MKS1: variants seen among roughly 807,000 people sequenced by gnomAD.
MKS1 encodes the protein MKS transition zone complex subunit 1.
In MKS1, 70 loss-of-function variants were observed where a neutral mutation model predicts 83.7. That is an observed-to-expected ratio of 0.84 (90% confidence interval 0.69 to 1.02). MKS1 has a LOEUF of 1.02. MKS1 is among the 50% of genes least tolerant of loss of function. MKS1 has a pLI of 0.00. For synonymous variants in MKS1, 251 were observed against 273.4 expected, an observed-to-expected ratio of 0.92 and a Z score of 0.81; for missense variants, 681 against 726.9, an observed-to-expected ratio of 0.94 and a Z score of 0.73.
chr17:58,210,531 G>T, intron 11 of MKS1, 128 bp downstream of exon 11: 1 of 958,132 alleles, frequency 1.0e-6, no homozygotes, highest in Non-Finnish European at 1.7e-6. Flanking sequence ...TTGGTAAAGT[G>T]GATGTGATCT....
In MKS1 at chr17:58,214,767, C is replaced by T; in HGVS notation, c.489G>A (p.Arg163=). ...SFLVERMANV[R]RRRQDRRGME... is the part of the protein sequence containing the mutation. The stretch of plus-strand genomic sequence containing the variant: ...TCCCTCGCCTGTCCTGCCGGCGACG[C>T]CTGACATTTGCCATTCGCTCGACCA... The change falls in exon 5 of 18, where the codon AGG becomes AGA. Residue 163 remains arginine (R), a synonymous_variant. Coordinates refer to ENST00000393119, the MANE Select transcript of MKS1 (RefSeq NM_017777.4). 6.2e-7 allele frequency: 1 copy of T among 1,607,302 alleles called. No homozygotes were observed.
rs1968750222 is a variant in MKS1, at chr17:58,209,562, G to A, written c.1025-979C>T. On this transcript the variant is annotated intron_variant, in intron 11 of 17. Transcript: ENST00000393119. This position sits in a 1 kb window ranked among gnomAD's most constrained non-coding sequence, Gnocchi z 4.1. The stretch of plus-strand genomic sequence containing the variant: ...CGACACAGGCTGAGACCTAAACTCA[G>A]AAAGAACCAGCCATGCTAAGATATG... Among the ~76,000 whole-genome samples the A allele has an allele frequency of 6.6e-6, 1 of 152,208 alleles. No homozygotes were observed. Among genetic ancestry groups the A allele is most frequent in the African/African-American group, 2.4e-5 (1 of 41,444 alleles).
chr17:58,212,239 A>G (rs1037379899), intron 9 of MKS1, 139 bp downstream of exon 9: 7 of 991,586 alleles, frequency 7.1e-6, no homozygotes, highest in African/African-American at 1.6e-5. Context: ...AACAAGGACT[A>G]TATGTGCTAT....
chr17:58,205,479 A>C lies in MKS1; in HGVS notation c.*600T>G. On this transcript the variant is annotated 3_prime_UTR_variant, in exon 18 of 18. Coordinates refer to ENST00000393119, the MANE Select transcript of MKS1 (RefSeq NM_017777.4). ...GGTTTATGTAACAAAAAACAAAAAAACAAACAAACAAAAAAACACAGTAAA... is the reference window on the plus strand; with the variant it reads ...GGTTTATGTAACAAAAAACAAAAAACCAAACAAACAAAAAAACACAGTAAA... 1 of 1,253,540 alleles carries C rather than the reference A, an allele frequency of 8.0e-7. No homozygotes were observed. The highest frequency in any genetic ancestry group is 1.0e-6 in the Non-Finnish European group (1 of 969,866). The allele number at this position is 1,253,540 out of a possible 1,614,324, so 77.7% of individuals were successfully genotyped here.
rs1218016890 is a variant in MKS1, at chr17:58,206,477, A to G, written c.1478T>C (p.Leu493Pro). ...TGTVTFRLHC[L>P]QQSRAFMESS... ...CCAAGTCACTCACCTGGACTGCTGC[A>G]GACAGTGCAAGCGGAAGGTGACAGT... Residue 493 changes from leucine to proline, a missense_variant, in exon 16 of 18, where the codon CTG (leucine) becomes CCG (proline). By Grantham distance (98) the Leu-to-Pro change is moderately conservative. Around this residue, in one of 3 missense-constraint regions of MKS1, gnomAD observed 310 missense variants for 321.7 expected, o/e 0.96. Transcript: ENST00000393119. The G allele has an allele frequency of 6.2e-7, 1 of 1,614,162 alleles. No individual in the cohort carries two copies. Among genetic ancestry groups the G allele is most frequent in the South Asian group, 1.1e-5 (1 of 91,082 alleles).
In MKS1 at chr17:58,207,906, G is replaced by C. The variant is rs863225210; in HGVS notation, c.1261C>G (p.Pro421Ala). ...GACGAGCGGTTACCTGGAGTGGCAGGCAGCACCACAGCCCCATAGCCTTCC... is the reference window on the plus strand; with the variant it reads ...GACGAGCGGTTACCTGGAGTGGCAGCCAGCACCACAGCCCCATAGCCTTCC... ...RVEGYGAVVL[P>A]ATPGSHTLTV... Residue 421 changes from proline to alanine, a missense_variant, in exon 14 of 18, where the codon CCT becomes GCT. Transcript: ENST00000393119. 5.6e-6 allele frequency: 9 copies of C among 1,613,816 alleles called. No individual in the cohort carries two copies. Among genetic ancestry groups the C allele is most frequent in the Non-Finnish European group, 7.6e-6 (9 of 1,179,904 alleles).
intron 4 of MKS1, chr17:58,215,519 T>C (rs777298436): frequency 4.1e-5 from 7 of 171,122 alleles, no homozygotes; most frequent in Non-Finnish European, 6.4e-5. Context: ...TACAGAGTCA[T>C]AGACAAAAAT....
intron 6 of MKS1, 133 bp downstream of exon 6, chr17:58,214,126 T>A: frequency 7.3e-7 from 1 of 1,374,904 alleles, no homozygotes; most frequent in Non-Finnish European, 1.0e-6. Context: ...GAAGCTTCAC[T>A]CATAACTAAG....
chr17:58,206,364 T>C lies in MKS1; in HGVS notation c.1507A>G (p.Ser503Gly), dbSNP rs1328968692. The change falls in exon 17 of 18, where the codon AGC becomes GGC. Residue 503 changes from serine (S) to glycine (G), a missense_variant. Around this residue, in one of 3 missense-constraint regions of MKS1, gnomAD observed 310 missense variants for 321.7 expected, o/e 0.96. Transcript: ENST00000393119. ...LQQSRAFMESSSLQKRMRSVL... is the reference protein window; with the variant it reads ...LQQSRAFMESGSLQKRMRSVL... ...CTCCGCATCCTTTTCTGAAGGGAGC[T>C]CGATTCCATGAAGGCCCTGCAGGGA... is the stretch of plus-strand genomic sequence containing the variant. 6.8e-6 allele frequency: 11 copies of C among 1,613,900 alleles called. No homozygotes were observed. Among genetic ancestry groups the C allele is most frequent in the African/African-American group, 1.3e-5 (1 of 74,924 alleles).
At chr17:58,210,537 G>A in intron 11 of MKS1, 122 bp downstream of exon 11, 1 of 1,010,192 alleles carries the variant, frequency 9.9e-7, no homozygotes, top group South Asian at 1.3e-5. Flanking sequence ...AAGTGGATGT[G>A]ATCTATGACC....
At position 58,214,339 on chromosome 17, in the gene MKS1, T is replaced by G; in HGVS notation, c.564A>C (p.Glu188Asp). Reference sequence around the variant, plus strand: ...TGACGTGGTTGTTCCTGACAAACTCTTCTGAGGGCTCCCAGGTGACGATGC... The same window carrying G: ...TGACGTGGTTGTTCCTGACAAACTCGTCTGAGGGCTCCCAGGTGACGATGC... ...KSRIVTWEPS[E>D]EFVRNNHVIN... Residue 188 changes from glutamate (E) to aspartate (D), a missense_variant, in exon 6 of 18, where the codon GAA (glutamate) becomes GAC (aspartate). Coordinates refer to ENST00000393119, the MANE Select transcript of MKS1 (RefSeq NM_017777.4). 1.2e-6 allele frequency: 2 copies of G among 1,613,968 alleles called. No homozygotes were observed. The highest frequency in any genetic ancestry group is 1.3e-5 in the African/African-American group (1 of 75,018).
chr17:58,208,569 C>T lies in MKS1; in HGVS notation c.1039G>A (p.Ala347Thr). The part of the protein sequence containing the change: ...ELPTAHWSSP[A>T]FQQLSGVTQT... ...GTTACTCCTGAGAGCTGCTGGAATG[C>T]TGGGCTTGACCAGTCTGAAAGCCAA... is the stretch of plus-strand genomic sequence containing the variant. The change falls in exon 12 of 18, where the codon GCA becomes ACA. Residue 347 changes from alanine (A) to threonine (T), a missense_variant. Ala to Thr is a moderately conservative substitution (Grantham distance 58). This residue lies in a region of MKS1 where 310 missense variants were observed against 321.7 expected (regional missense o/e 0.96). Transcript: ENST00000393119. 6.2e-7 allele frequency: 1 copy of T among 1,614,182 alleles called. No individual in the cohort carries two copies. The highest frequency in any genetic ancestry group is 8.5e-7 in the Non-Finnish European group (1 of 1,180,018).
At chr17:58,206,673 C>T (rs946564871) in intron 15 of MKS1, 126 bp from the exon 16 acceptor site, 2 of 960,488 alleles carry the variant, frequency 2.1e-6, no homozygotes, top group South Asian at 2.8e-5. Flanking sequence ...AAACCTTATT[C>T]CATCACCCAG....
intron 7 of MKS1, 107 bp from the exon 8 acceptor site, chr17:58,213,197 A>G: frequency 2.0e-6 from 2 of 1,016,566 alleles, no homozygotes; most frequent in Non-Finnish European, 3.1e-6. Flanking sequence ...ACCTCACTAA[A>G]GTATATGATG....
rs1597983188 is a variant in MKS1 at position 58,209,068 on chromosome 17, T to C, written c.1025-485A>G. Among the ~76,000 whole-genome samples, 1 of 152,208 alleles carries C rather than the reference T, an allele frequency of 6.6e-6. No homozygotes were observed. Among genetic ancestry groups the C allele is most frequent in the Non-Finnish European group, 1.5e-5 (1 of 68,038 alleles). Reference sequence around the variant, plus strand: ...GGAGTCTCCTATGTCTACTTCTTTCTACACAGACACAGTAACAATCTGATC... The same window carrying C: ...GGAGTCTCCTATGTCTACTTCTTTCCACACAGACACAGTAACAATCTGATC... On this transcript the variant is annotated intron_variant, in intron 11 of 17. Transcript: ENST00000393119. The surrounding 1 kb of genome is among the most constrained non-coding windows in gnomAD (Gnocchi z 4.1).
At chr17:58,214,151 A>G (rs898061782) in intron 6 of MKS1, 108 bp downstream of exon 6, 2 of 1,542,876 alleles carry the variant, frequency 1.3e-6, no homozygotes, top group South Asian at 1.1e-5. Flanking sequence ...GAAGGAAGAA[A>G]AAGTCCCTCC....
Position 58,205,749 on chromosome 17 carries a change from G to A in MKS1, c.*330C>T, listed in dbSNP as rs931034372. ...AGAACAGCAGATCCCCTGCTACTGTGAGACAAGCCAGAAAAGTGAGTCAAG... is the reference window on the plus strand; with the variant it reads ...AGAACAGCAGATCCCCTGCTACTGTAAGACAAGCCAGAAAAGTGAGTCAAG... On this transcript the variant is annotated 3_prime_UTR_variant, in exon 18 of 18. Coordinates refer to ENST00000393119, the MANE Select transcript of MKS1 (RefSeq NM_017777.4). 7.2e-7 allele frequency: 1 copy of A among 1,387,800 alleles called. No homozygotes were observed. Among genetic ancestry groups the A allele is most frequent in the African/African-American group, 1.5e-5 (1 of 68,888 alleles). The allele number at this position is 1,387,800 out of a possible 1,614,324, so 86.0% of individuals were successfully genotyped here.
In MKS1 at chr17:58,210,566, G is replaced by A. The variant is rs1463442070; in HGVS notation, c.1024+93C>T. On this transcript the variant is annotated intron_variant, in intron 11 of 17. Coordinates refer to ENST00000393119, the MANE Select transcript of MKS1 (RefSeq NM_017777.4). ...TATGACCTTGAAAAGAACAGTAACA[G>A]TTTCAGCAGAGGAGTGGGAAAGGAA... 9.2e-6 allele frequency: 11 copies of A among 1,199,246 alleles called. No homozygotes were observed. The East Asian group carries it at 9.3e-5, about 10-fold the overall frequency. 74.3% of individuals were successfully genotyped at this position (1,199,246 alleles called of 1,614,324 possible).
chr17:58,210,577 G>C, intron 11 of MKS1, 82 bp downstream of exon 11: 3 of 1,261,174 alleles, frequency 2.4e-6, no homozygotes, highest in Non-Finnish European at 3.5e-6. Context: ...TTTCAGCAGA[G>C]GAGTGGGAAA....
Sources: allele counts gnomAD v4.1 joint callset (sites outside exome capture counted in the v4.1 genomes callset), GRCh38; gene constraint gnomAD v4.1.1; regional missense constraint gnomAD v4.1.1; non-coding constraint Gnocchi (gnomAD v3.1); transcripts MANE v1.5; gene names NCBI Gene and HGNC (gene_info 2026-07-23, HGNC 2026-07-21).